The following PRKN variants were observed in gnomAD, a reference collection of about 807,000 sequenced individuals.
PRKN encodes E3 ubiquitin-protein ligase parkin.
Under a neutral mutation model 59.5 loss-of-function variants are expected in PRKN, and 56 were observed. That is an observed-to-expected ratio of 0.94 (90% CI 0.76 to 1.18). PRKN has a LOEUF of 1.18. Among genes scored for constraint, PRKN ranks in the 50% most tolerant of loss-of-function variants. The pLI is 0.00. For synonymous variants in PRKN, 250 were observed against 222.1 expected (o/e 1.13, Z -1.12); for missense variants, 657 against 596.4 (o/e 1.10, Z -1.06).
intron 1 of PRKN, among the ~76,000 whole-genome samples, chr6:162,669,519 T>C (rs1304248738): frequency 6.6e-6 from 1 of 152,154 alleles, no homozygotes; most frequent in Non-Finnish European, 1.5e-5. Flanking sequence ...TTCAAGAACG[T>C]TACCCCATTT....
At chr6:161,657,332 C>T (rs541224686) in intron 7 of PRKN, among the ~76,000 whole-genome samples, 6 of 152,238 alleles carry the variant, frequency 3.9e-5, no homozygotes, top group Admixed American at 1.3e-4. Flanking sequence ...CCCTTTTAGA[C>T]ATAATTAGTT....
intron 2 of PRKN, among the ~76,000 whole-genome samples, chr6:162,402,164 G>C (rs571602880): frequency 2.0e-5 from 3 of 151,318 alleles, no homozygotes; most frequent in African/African-American, 7.3e-5. Flanking sequence ...CACTAGAATC[G>C]CTTGAACCCA....
chr6:162,469,245 C>A (rs960881572), intron 1 of PRKN, among the ~76,000 whole-genome samples: 7 of 148,162 alleles, frequency 4.7e-5, no homozygotes, highest in South Asian at 4.3e-4. Flanking sequence ...TCAGAGGAGG[C>A]GGTCGAGATG....
chr6:161,831,916 T>C (rs902096586), intron 6 of PRKN, among the ~76,000 whole-genome samples: 2 of 152,174 alleles, frequency 1.3e-5, no homozygotes, highest in Admixed American at 1.3e-4. Context: ...CTTTGGGCCA[T>C]GCCAAATGAC....
intron 2 of PRKN, among the ~76,000 whole-genome samples, chr6:162,341,630 C>T (rs528670772): frequency 7.8e-4 from 118 of 152,122 alleles, no homozygotes; most frequent in African/African-American, 2.7e-3. Context: ...AGGTGGAAAC[C>T]ATCATTCTCA....
intron 1 of PRKN, among the ~76,000 whole-genome samples, chr6:162,637,772 C>T (rs2023006): frequency 0.92 from 139,569 of 152,262 alleles, 64,126 homozygotes; most frequent in Admixed American, 0.97. Flanking sequence ...ACTTGCTTTT[C>T]ACCATTTAGT....
At chr6:162,004,212 G>A (rs181894205) in intron 5 of PRKN, among the ~76,000 whole-genome samples, 29 of 152,282 alleles carry the variant, frequency 1.9e-4, no homozygotes, top group African/African-American at 7.0e-4. Context: ...GAAAGTGAGT[G>A]AGTTCTCACA....
chr6:162,694,619 A>T (rs1777904565), intron 1 of PRKN: 1 of 152,230 alleles, frequency 6.6e-6, no homozygotes, highest in Non-Finnish European at 1.5e-5. Flanking sequence ...AACAATTAAC[A>T]TACTTGAAAA....
intron 6 of PRKN, among the ~76,000 whole-genome samples, chr6:161,795,651 G>C (rs1790816317): frequency 6.6e-6 from 1 of 152,220 alleles, no homozygotes; most frequent in African/African-American, 2.4e-5. Flanking sequence ...CTGAGAGGGG[G>C]ATGCAGCTGT....
intron 2 of PRKN, among the ~76,000 whole-genome samples, chr6:162,370,973 T>C (rs1785733593): frequency 6.6e-6 from 1 of 152,202 alleles, no homozygotes; most frequent in Non-Finnish European, 1.5e-5. Flanking sequence ...TTTCCGTACA[T>C]GGCTTCTTGT....
At position 162,219,893 on chromosome 6, in the gene PRKN, C is replaced by T. The variant is rs115174157; in HGVS notation, c.413-18641G>A. Among the ~76,000 whole-genome samples, 774 of 152,262 alleles carry T rather than the reference C, an allele frequency of 5.1e-3. 9 individuals are homozygous for T. The highest frequency in any genetic ancestry group is 0.018 in the African/African-American group (749 of 41,550). ...CTCCCTTGTATACATAAAGGATTGG[C>T]TCCAAGACCTCCTATGGACAGCAAA... On this transcript the variant is annotated intron_variant, in intron 3 of 11. Coordinates refer to ENST00000366898, the MANE Select transcript of PRKN (RefSeq NM_004562.3).
intron 6 of PRKN, among the ~76,000 whole-genome samples, chr6:161,788,503 G>C (rs1472639136): frequency 1.3e-5 from 2 of 152,158 alleles, no homozygotes; most frequent in Admixed American, 6.5e-5. Context: ...TATCTTCCTA[G>C]GGACACAGGA....
chr6:162,316,621 T>C (rs1300686800), intron 2 of PRKN, among the ~76,000 whole-genome samples: 2 of 152,146 alleles, frequency 1.3e-5, no homozygotes, highest in African/African-American at 2.4e-5. Flanking sequence ...TCTAGACTTA[T>C]TGGCTCTAGA....
intron 7 of PRKN, among the ~76,000 whole-genome samples, chr6:161,619,427 C>T (rs1032285177): frequency 5.4e-5 from 8 of 149,512 alleles, no homozygotes; most frequent in Non-Finnish European, 8.9e-5. Context: ...ATAGGTCTAT[C>T]AATAATTGTT....
At chr6:162,599,035 AT>A (rs1336821698) in intron 1 of PRKN, among the ~76,000 whole-genome samples, 1 of 152,116 alleles carries the variant, frequency 6.6e-6, no homozygotes, top group Non-Finnish European at 1.5e-5. Flanking sequence ...AGTTTCACAT[AT>A]TATTTTATGA....
In PRKN at chr6:162,303,685, C is replaced by G. The variant is rs148105411; in HGVS notation, c.172-40920G>C. Among the ~76,000 whole-genome samples the G allele has an allele frequency of 4.6e-3, 704 of 152,266 alleles. 12 individuals are homozygous for G. Among genetic ancestry groups the G allele is most frequent in the Admixed American group, 0.036 (549 of 15,294 alleles). Reference sequence around the variant, plus strand: ...CTGGTCAAAATTCATCTCTACTTTACAAAAGATGTCTGTAAACCACAGGAA... The same window carrying G: ...CTGGTCAAAATTCATCTCTACTTTAGAAAAGATGTCTGTAAACCACAGGAA... On this transcript the variant is annotated intron_variant, in intron 2 of 11. Transcript: ENST00000366898.
At chr6:161,450,790 C>T (rs562039920) in intron 9 of PRKN, among the ~76,000 whole-genome samples, 16 of 152,250 alleles carry the variant, frequency 1.1e-4, no homozygotes, top group African/African-American at 3.4e-4. Flanking sequence ...CTCCTGACCT[C>T]GTGATCTGCC....
intron 9 of PRKN, among the ~76,000 whole-genome samples, chr6:161,514,536 C>T (rs773670189): frequency 6.6e-5 from 10 of 152,034 alleles, no homozygotes; most frequent in South Asian, 6.2e-4. Context: ...GATCTGAACG[C>T]GAGGGACAAG....
At chr6:161,424,438 G>C (rs1788244642) in intron 9 of PRKN, among the ~76,000 whole-genome samples, 1 of 152,066 alleles carries the variant, frequency 6.6e-6, no homozygotes, top group East Asian at 1.9e-4. Flanking sequence ...CACAGAAGGG[G>C]CAAAGAGGAA....
Sources: allele counts gnomAD v4.1 joint callset (sites outside exome capture counted in the v4.1 genomes callset), GRCh38; gene constraint gnomAD v4.1.1; transcripts MANE v1.5; gene names NCBI Gene and HGNC (gene_info 2026-07-23, HGNC 2026-07-21).